Variants in TRPM7 observed in about 807,000 individuals in gnomAD.
The protein encoded by TRPM7 is LTRPC ion channel family member 7.
A neutral mutation model predicts 229.7 loss-of-function variants in TRPM7; 134 were observed. That is an observed-to-expected ratio of 0.58 (90% CI 0.51 to 0.67). The LOEUF (loss-of-function observed/expected upper bound fraction) is 0.67. Among genes scored for constraint, TRPM7 ranks in the 30% least tolerant of loss-of-function variants. The probability of loss-of-function intolerance (pLI) is 0.00; values close to 1 mark genes in which losing one functional copy is unlikely to be tolerated. For synonymous variants in TRPM7, 699 were observed against 715.2 expected (o/e 0.98, Z 0.36); for missense variants, 1,901 against 2,210.0 (o/e 0.86, Z 2.80).
intron 1 of TRPM7, among the ~76,000 whole-genome samples, chr15:50,683,891 A>G (rs1327048765): frequency 6.6e-6 from 1 of 151,568 alleles, no homozygotes; most frequent in Non-Finnish European, 1.5e-5. Context: ...TTTTTTTGAG[A>G]AAGACTCTCA....
chr15:50,639,520 G>C lies in TRPM7; in HGVS notation c.564C>G (p.Leu188=), dbSNP rs1219143903. Residue 188 remains leucine (L), a synonymous_variant, in exon 6 of 39, where the codon CTC becomes CTG. Coordinates refer to ENST00000646667, the MANE Select transcript of TRPM7 (RefSeq NM_017672.6). ...GAGATGATCTGGAAGCATGTTCTTT[G>C]AGGGCATCTCCAACATGTTTTGCCA... The part of the protein sequence containing the change: ...TGVAKHVGDA[L]KEHASRSSRK... 12 of 1,610,938 alleles carry C rather than the reference G, an allele frequency of 7.4e-6. No individual in the cohort carries two copies. The Admixed American group carries it at 2.0e-4, about 27-fold the overall frequency.
In TRPM7 at chr15:50,614,194, C is replaced by T. The variant is rs1567011819; in HGVS notation, c.1564G>A (p.Gly522Arg). 5.6e-6 allele frequency: 9 copies of T among 1,612,738 alleles called. No individual in the cohort carries two copies. Among genetic ancestry groups the T allele is most frequent in the Non-Finnish European group, 6.8e-6 (8 of 1,179,160 alleles). Residue 522 changes from glycine (G) to arginine (R), a missense_variant, in exon 14 of 39, where the codon GGA becomes AGA. Physicochemically the swap from Gly to Arg is moderately radical, Grantham distance 125 (BLOSUM62 -2). Coordinates refer to ENST00000646667, the MANE Select transcript of TRPM7 (RefSeq NM_017672.6). ...IGLVIEYLMGGTYRCTYTRKR... is the reference protein window; with the variant it reads ...IGLVIEYLMGRTYRCTYTRKR... ...CTAGTATAGGTGCATCTGTAGGTTC[C>T]TCCCATGAGATATTCAATAACAAGT...
chr15:50,652,328 CAAAAAAAAAAAA>C (rs34122648), intron 3 of TRPM7, among the ~76,000 whole-genome samples: 5 of 34,230 alleles, frequency 1.5e-4, no homozygotes, highest in African/African-American at 5.7e-4. Context: ...GACTCCATCT[CAAAAAAAAAAAA>C]AAAAAAAAAA....
chr15:50,632,205 A>G (rs1420479676), intron 9 of TRPM7, among the ~76,000 whole-genome samples: 1 of 152,078 alleles, frequency 6.6e-6, no homozygotes, highest in Non-Finnish European at 1.5e-5. Context: ...AGGTGGGAGA[A>G]TCGCTTGCAC....
chr15:50,673,114 G>A (rs11857578), intron 1 of TRPM7, among the ~76,000 whole-genome samples: 2,550 of 151,150 alleles, frequency 0.017, 34 homozygotes, highest in Non-Finnish European at 0.027. Context: ...GTGTAGGCTA[G>A]GTGTACAGTG....
At chr15:50,635,555 C>T (rs1375170232) in intron 7 of TRPM7, among the ~76,000 whole-genome samples, 5 of 147,462 alleles carry the variant, frequency 3.4e-5, no homozygotes, top group South Asian at 2.1e-4. Flanking sequence ...CCCAGCTACT[C>T]GGGAGGCTGA....
intron 38 of TRPM7, among the ~76,000 whole-genome samples, chr15:50,567,226 T>A (rs987500906): frequency 2.0e-5 from 3 of 152,316 alleles, no homozygotes; most frequent in African/African-American, 7.2e-5. Context: ...GTGCACAATG[T>A]GCAGGTTTGT....
rs563848153 is a variant in TRPM7 at position 50,675,573 on chromosome 15, A to AT, written c.3+10957dup. Among the ~76,000 whole-genome samples the AT allele has an allele frequency of 8.5e-4, 129 of 152,302 alleles. 1 individual carries two copies. The highest frequency in any genetic ancestry group is 2.8e-3 in the African/African-American group (117 of 41,564). On this transcript the variant is annotated intron_variant, in intron 1 of 38. Coordinates refer to ENST00000646667, the MANE Select transcript of TRPM7 (RefSeq NM_017672.6). ...TGAAAGTTGTAAATATCACCTAATG[A>AT]TAAAAAAAAGTTTTTATAGTTTTTG...
chr15:50,632,001 A>G (rs2060751231), intron 9 of TRPM7, among the ~76,000 whole-genome samples: 2 of 152,108 alleles, frequency 1.3e-5, no homozygotes. Flanking sequence ...ATTTAATAAC[A>G]TTTTTCATAA....
intron 12 of TRPM7, among the ~76,000 whole-genome samples, chr15:50,623,011 G>A (rs1295849043): frequency 1.3e-5 from 2 of 152,218 alleles, no homozygotes; most frequent in East Asian, 3.8e-4. Flanking sequence ...CAGTGGCATG[G>A]CATTTAAGCT....
At chr15:50,666,397 T>C (rs1309021442) in intron 1 of TRPM7, among the ~76,000 whole-genome samples, 1 of 151,658 alleles carries the variant, frequency 6.6e-6, no homozygotes, top group Non-Finnish European at 1.5e-5. Context: ...GCTGTGATCA[T>C]GCCACCGTAC....
At position 50,665,644 on chromosome 15, in the gene TRPM7, T is replaced by C. The variant is rs149055777; in HGVS notation, c.4-2598A>G. ...TCTATGCACTTGAAAACCTGTACAA[T>C]GTAGTCTAAATGGTGCATGTATAGG... On this transcript the variant is annotated intron_variant, in intron 1 of 38. Coordinates refer to ENST00000646667, the MANE Select transcript of TRPM7 (RefSeq NM_017672.6). Among the ~76,000 whole-genome samples, 294 of 152,214 alleles carry C rather than the reference T, an allele frequency of 1.9e-3. 1 individual carries two copies. Among genetic ancestry groups the C allele is most frequent in the African/African-American group, 6.4e-3 (267 of 41,540 alleles).
intron 38 of TRPM7, among the ~76,000 whole-genome samples, chr15:50,562,872 G>C (rs372396097): frequency 2.0e-5 from 3 of 152,102 alleles, no homozygotes; most frequent in East Asian, 3.9e-4. Flanking sequence ...ACAGGTCTGG[G>C]CAGGAAAGCC....
At chr15:50,595,805 A>G (rs1441788286) in intron 23 of TRPM7, among the ~76,000 whole-genome samples, 1 of 152,198 alleles carries the variant, frequency 6.6e-6, no homozygotes, top group Admixed American at 6.5e-5. Context: ...CTAAGGTTGC[A>G]GTGAGCCAAG....
chr15:50,617,147 T>C (rs1289754647), intron 13 of TRPM7, among the ~76,000 whole-genome samples: 1 of 103,902 alleles, frequency 9.6e-6, no homozygotes, highest in Non-Finnish European at 2.1e-5. Context: ...AATAAATAAA[T>C]AAATAAATAA....
At chr15:50,626,030 T>C (rs1292849608) in intron 11 of TRPM7, among the ~76,000 whole-genome samples, 1 of 152,184 alleles carries the variant, frequency 6.6e-6, no homozygotes, top group Non-Finnish European at 1.5e-5. Flanking sequence ...GGTCTTTCTT[T>C]GTCCTACACT....
At chr15:50,571,346 T>C (rs2141480635) in intron 36 of TRPM7, among the ~76,000 whole-genome samples, 1 of 152,356 alleles carries the variant, frequency 6.6e-6, no homozygotes, top group Non-Finnish European at 1.5e-5. Flanking sequence ...TGTACTAATC[T>C]CTTTTCTACA....
Position 50,599,383 on chromosome 15 carries a change from C to CA in TRPM7, c.2989-88dup, listed in dbSNP as rs2059716837. ...AAAAGCTTCTAATGTTCTAATAGACCAAAAAAATCCATTAAACACAAAAAA... is the reference window on the plus strand; with the variant it reads ...AAAAGCTTCTAATGTTCTAATAGACCAAAAAAAATCCATTAAACACAAAAAA... On this transcript the variant is annotated intron_variant, in intron 21 of 38. Coordinates refer to ENST00000646667, the MANE Select transcript of TRPM7 (RefSeq NM_017672.6). 6 of 895,482 alleles carry CA rather than the reference C, an allele frequency of 6.7e-6. No homozygotes were observed. The Admixed American group carries it at 1.4e-4, about 21-fold the overall frequency. 55.5% of individuals were successfully genotyped at this position (895,482 alleles called of 1,614,324 possible).
rs374182910 is a variant in TRPM7, at chr15:50,580,915, TA to T, written c.4558-8del. ...GTCTATCTTGTAACCAATCCTTCAG[TA>T]AAAAAAAAACACACACACACAAAAA... On this transcript the variant is annotated splice_polypyrimidine_tract_variant and splice_region_variant and intron_variant, in intron 29 of 38. Transcript: ENST00000646667. 1.1e-3 allele frequency: 1,531 copies of T among 1,389,412 alleles called. 2 individuals carry two copies. Among genetic ancestry groups the T allele is most frequent in the South Asian group, 4.2e-3 (307 of 72,506 alleles). 86.1% of individuals were successfully genotyped at this position (1,389,412 alleles called of 1,614,324 possible).
Sources: allele counts gnomAD v4.1 joint callset (sites outside exome capture counted in the v4.1 genomes callset), GRCh38; gene constraint gnomAD v4.1.1; transcripts MANE v1.5; gene names NCBI Gene and HGNC (gene_info 2026-07-23, HGNC 2026-07-21).